Variants in NPC1L1 observed in about 807,000 individuals in gnomAD.
NPC1L1 encodes the protein NPC1 like intracellular cholesterol transporter 1, also known as NPC1-like intracellular cholesterol transporter 1.
In NPC1L1, 98 loss-of-function variants were observed where a neutral mutation model predicts 117.0. That is an observed-to-expected ratio of 0.84 (90% confidence interval 0.71 to 0.99). The LOEUF (loss-of-function observed/expected upper bound fraction) is 0.99. NPC1L1 is among the 50% of genes least tolerant of loss of function. NPC1L1 has a pLI of 0.00. For synonymous variants in NPC1L1, 729 were observed against 727.6 expected, an observed-to-expected ratio of 1.00 and a Z score of -0.03; for missense variants, 1,540 against 1,710.0, an observed-to-expected ratio of 0.90 and a Z score of 1.75.
intron 2 of NPC1L1, among the ~76,000 whole-genome samples, chr7:44,537,709 A>T (rs1801944714): frequency 6.6e-6 from 1 of 152,164 alleles, no homozygotes; most frequent in Admixed American, 6.5e-5. Flanking sequence ...TAAAATGGAG[A>T]TAATTGGACC....
rs149711685 is a variant in NPC1L1 at position 44,535,954 on chromosome 7, G to A, written c.1869C>T (p.Asp623=). 31 of 1,613,100 alleles carry A rather than the reference G, an allele frequency of 1.9e-5. No homozygotes were observed. Among genetic ancestry groups the A allele is most frequent in the African/African-American group, 6.7e-5 (5 of 74,884 alleles). The change falls in exon 5 of 19, where the codon GAC becomes GAT. Residue 623 remains aspartate (D), a synonymous_variant. Coordinates refer to ENST00000381160, the MANE Select transcript of NPC1L1 (RefSeq NM_001101648.2). Reference sequence around the variant, plus strand: ...CTTCAGCTGTGGTGCGATTGATCTCGTCTTCCAGAGAGCGCTGTGGACACA... The same window carrying A: ...CTTCAGCTGTGGTGCGATTGATCTCATCTTCCAGAGAGCGCTGTGGACACA... ...VTFMAERSLE[D]EINRTTAEDL...
At chr7:44,533,986 G>A in intron 6 of NPC1L1, 133 bp from the exon 7 acceptor site, 1 of 732,380 alleles carries the variant, frequency 1.4e-6, no homozygotes, top group Non-Finnish European at 2.4e-6. Flanking sequence ...TGAATCATCA[G>A]AGACTCTCAT....
In NPC1L1 at chr7:44,534,612, C is replaced by T. The variant is rs745979105; in HGVS notation, c.2001G>A (p.Thr667=). 33 of 1,613,900 alleles carry T rather than the reference C, an allele frequency of 2.0e-5. No individual in the cohort carries two copies. The Admixed American group carries it at 4.8e-4, about 24-fold the overall frequency. ...WSRVMVDSKA[T]LGLGGVAVVL... The stretch of plus-strand genomic sequence containing the variant: ...CCACGGCCACCCCGCCGAGGCCCAG[C>T]GTGGCCTTGGAGTCCACCTGCAATG... Residue 667 remains threonine (T), a synonymous_variant, in exon 6 of 19, where the codon ACG becomes ACA. Coordinates refer to ENST00000381160, the MANE Select transcript of NPC1L1 (RefSeq NM_001101648.2). This position sits in a 1 kb window ranked among gnomAD's most constrained non-coding sequence, Gnocchi z 5.2.
At chr7:44,526,288 C>G (rs1021736901) in intron 10 of NPC1L1, among the ~76,000 whole-genome samples, 3 of 151,944 alleles carry the variant, frequency 2.0e-5, no homozygotes, top group Admixed American at 6.6e-5. Context: ...GTGGCTCATG[C>G]CTGTAATCCC....
chr7:44,512,714 G>GA lies in NPC1L1; in HGVS notation c.*732_*733insT, dbSNP rs1441700069. 1.2e-4 allele frequency: 19 copies of GA among 153,014 alleles called. No homozygotes were observed. The highest frequency in any genetic ancestry group is 4.6e-4 in the African/African-American group (19 of 41,590). The allele number at this position is 153,014 out of a possible 1,614,324, so 9.5% of individuals were successfully genotyped here. On this transcript the variant is annotated 3_prime_UTR_variant, in exon 19 of 19. Transcript: ENST00000381160. ...ACCAGCCCAGCCCCAAGAGCTCCCAGCCTTCAGACTCCTGGGTGGCCTTGA... is the reference window on the plus strand; with the variant it reads ...ACCAGCCCAGCCCCAAGAGCTCCCAGACCTTCAGACTCCTGGGTGGCCTTGA...
Position 44,540,274 on chromosome 7 carries a change from C to A in NPC1L1, c.123G>T (p.Lys41Asn). ...GYCAFYDECG[K>N]NPELSGSLMT... ...TGAGGCTTCCAGACAGCTCTGGGTT[C>A]TTCCCACATTCGTCATAGAAGGCGC... is the stretch of plus-strand genomic sequence containing the variant. Residue 41 changes from lysine (K) to asparagine (N), a missense_variant, in exon 2 of 19, where the codon AAG becomes AAT. Transcript: ENST00000381160. 2 of 1,614,044 alleles carry A rather than the reference C, an allele frequency of 1.2e-6. No homozygotes were observed. The highest frequency in any genetic ancestry group is 1.7e-6 in the Non-Finnish European group (2 of 1,180,026).
At position 44,533,690 on chromosome 7, in the gene NPC1L1, C is replaced by T. The variant is rs769046028; in HGVS notation, c.2281+49G>A. On this transcript the variant is annotated intron_variant, in intron 7 of 18. Transcript: ENST00000381160. ...CTCTGGGAACTCCTAGGCCCCGGCA[C>T]TAACCCAGCAAGCCTAATGCCGAGT... 3.1e-6 allele frequency: 5 copies of T among 1,608,432 alleles called. No individual in the cohort carries two copies. In the South Asian group the frequency reaches 5.5e-5, roughly 18 times the overall value.
intron 14 of NPC1L1, among the ~76,000 whole-genome samples, chr7:44,519,155 A>G (rs1193528047): frequency 6.6e-6 from 1 of 151,870 alleles, no homozygotes; most frequent in Non-Finnish European, 1.5e-5. Flanking sequence ...TGGCCTCCCA[A>G]CGTACTGGGA....
chr7:44,533,825 C>A lies in NPC1L1; in HGVS notation c.2195G>T (p.Arg732Leu), dbSNP rs201972200. ...QRLPRRPGEP[R>L]EVHIGRALGR... ...TAGGGCTCGCCCAATGTGGACCTCT[C>A]GTGGCTCCCCAGGCCTCCGGGGCAG... Residue 732 changes from arginine (R) to leucine (L), a missense_variant, in exon 7 of 19, where the codon CGA becomes CTA. Transcript: ENST00000381160. 2.5e-6 allele frequency: 4 copies of A among 1,612,734 alleles called. No individual in the cohort carries two copies. Among genetic ancestry groups the A allele is most frequent in the Non-Finnish European group, 3.4e-6 (4 of 1,179,804 alleles).
At chr7:44,533,388 A>G in intron 8 of NPC1L1, 43 bp downstream of exon 8, 1 of 1,612,092 alleles carries the variant, frequency 6.2e-7, no homozygotes, top group Non-Finnish European at 8.5e-7. Context: ...CCATGGTGGG[A>G]ACCCAGGGGC....
rs550607969 is a variant in NPC1L1 at position 44,533,531 on chromosome 7, C to T, written c.2309G>A (p.Arg770Gln). The change falls in exon 8 of 19, where the codon CGG becomes CAG. Residue 770 changes from arginine to glutamine, a missense_variant. Coordinates refer to ENST00000381160, the MANE Select transcript of NPC1L1 (RefSeq NM_001101648.2). ...LGALTPMPAV[R>Q]TFALTSGLAV... is the part of the protein sequence containing the mutation. ...AAGGCCAGAGGTCAGGGCAAAGGTCCGCACAGCTGGCATGGGGGTCAGGGC... is the reference window on the plus strand; with the variant it reads ...AAGGCCAGAGGTCAGGGCAAAGGTCTGCACAGCTGGCATGGGGGTCAGGGC... 5.1e-5 allele frequency: 82 copies of T among 1,614,198 alleles called. No individual in the cohort carries two copies. In the East Asian group the frequency reaches 8.9e-4, roughly 18 times the overall value.
At chr7:44,514,544 C>G (rs927985115) in intron 18 of NPC1L1, among the ~76,000 whole-genome samples, 23 of 151,870 alleles carry the variant, frequency 1.5e-4, no homozygotes, top group Non-Finnish European at 2.9e-4. Context: ...TGGCATACAC[C>G]GATATCCCAG....
Position 44,516,211 on chromosome 7 carries a change from G to C in NPC1L1, c.3520-14C>G. 1 of 1,585,806 alleles carries C rather than the reference G, an allele frequency of 6.3e-7. No individual in the cohort carries two copies. The highest frequency in any genetic ancestry group is 8.6e-7 in the Non-Finnish European group (1 of 1,164,562). On this transcript the variant is annotated splice_polypyrimidine_tract_variant and intron_variant, in intron 16 of 18. Transcript: ENST00000381160. Reference sequence around the variant, plus strand: ...CATGCCCACCGCCTATGGGCAGAGAGGGGGCATAAGCCAAGAAAGGCAGAG... The same window carrying C: ...CATGCCCACCGCCTATGGGCAGAGACGGGGCATAAGCCAAGAAAGGCAGAG...
chr7:44,533,328 CCCCATTCTCTG>C (rs1801759451), intron 8 of NPC1L1, 92 bp downstream of exon 8: 1 of 1,418,394 alleles, frequency 7.1e-7, no homozygotes, highest in Non-Finnish European at 9.9e-7. Flanking sequence ...CTGTCCCCCA[CCCCATTCTCTG>C]GGCCATCTCT....
chr7:44,531,220 C>T (rs1801689687), intron 10 of NPC1L1, among the ~76,000 whole-genome samples: 1 of 152,210 alleles, frequency 6.6e-6, no homozygotes, highest in African/African-American at 2.4e-5. Context: ...GCTGGGCAAT[C>T]AGCACTCTCC....
Position 44,533,481 on chromosome 7 carries a change from G to T in NPC1L1, c.2359C>A (p.Gln787Lys), listed in dbSNP as rs758836726. ...AGCAGGGCCACAAAGGCTGACATCT[G>T]CAGGAGGAAGTCAAGGATCACTGCA... is the stretch of plus-strand genomic sequence containing the variant. ...GLAVILDFLLQMSAFVALLSL... is the reference protein window; with the variant it reads ...GLAVILDFLLKMSAFVALLSL... The change falls in exon 8 of 19, where the codon CAG (glutamine) becomes AAG (lysine). Residue 787 changes from glutamine to lysine, a missense_variant. This residue lies in a region of NPC1L1 where 742 missense variants were observed against 873.6 expected (regional missense o/e 0.85). Coordinates refer to ENST00000381160, the MANE Select transcript of NPC1L1 (RefSeq NM_001101648.2). 1 of 1,614,138 alleles carries T rather than the reference G, an allele frequency of 6.2e-7. No individual in the cohort carries two copies. The highest frequency in any genetic ancestry group is 1.7e-5 in the Admixed American group (1 of 60,020).
At chr7:44,535,598 GGAAAAGAGAAGAGAAAAGAAAAGCAAA>G (rs1801857070) in intron 5 of NPC1L1, among the ~76,000 whole-genome samples, 1 of 150,958 alleles carries the variant, frequency 6.6e-6, no homozygotes. Flanking sequence ...AGGGTAGGAG[GGAAAAGAGAAGAGAAAAGAAAAGCAAA>G]GAAAAGAGAA....
chr7:44,516,907 G>T lies in NPC1L1; in HGVS notation c.3315C>A (p.Tyr1105Ter). 9 of 1,613,852 alleles carry T rather than the reference G, an allele frequency of 5.6e-6. No individual in the cohort carries two copies. Among genetic ancestry groups the T allele is most frequent in the Non-Finnish European group, 7.6e-6 (9 of 1,179,960 alleles). ...YTITNVFYEQYLTILPEGLFM... is the reference protein window; with the variant it reads ...YTITNVFYEQ ...AGAGCCCCTCAGGGAGGATGGTCAGGTACTGCTCATAAAACACATTGGTGA... is the reference window on the plus strand; with the variant it reads ...AGAGCCCCTCAGGGAGGATGGTCAGTTACTGCTCATAAAACACATTGGTGA... Residue 1105 changes from tyrosine to a stop codon, truncating the protein, a stop_gained, in exon 16 of 19, where the codon TAC becomes TAA. Coordinates refer to ENST00000381160, the MANE Select transcript of NPC1L1 (RefSeq NM_001101648.2). LOFTEE classifies it high-confidence loss of function.
chr7:44,514,721 G>A (rs1379784019), intron 18 of NPC1L1, among the ~76,000 whole-genome samples: 1 of 149,544 alleles, frequency 6.7e-6, no homozygotes, highest in African/African-American at 2.5e-5. Context: ...TAATGATAGG[G>A]CTGGGCACAG....
Sources: gnomAD v4.1 joint callset for allele counts (sites outside exome capture counted in the v4.1 genomes callset) on GRCh38, gnomAD v4.1.1 for gene constraint, gnomAD v4.1.1 regional missense constraint, Gnocchi (gnomAD v3.1) non-coding constraint, MANE v1.5 for transcripts, NCBI Gene and HGNC (gene_info 2026-07-23, HGNC 2026-07-21) for gene names.